MALT1: variants seen among roughly 807,000 people sequenced by gnomAD.
MALT1 encodes MALT1 paracaspase.
A neutral mutation model predicts 85.5 loss-of-function variants in MALT1; 36 were observed. The observed-to-expected ratio is 0.42, with a 90% CI of 0.32 to 0.56. MALT1 has a LOEUF of 0.56. Among genes scored for constraint, MALT1 ranks in the 20% least tolerant of loss-of-function variants. MALT1 has a pLI of 0.10. For synonymous variants in MALT1, 359 were observed against 361.3 expected (o/e 0.99, Z 0.07); for missense variants, 716 against 981.6 (o/e 0.73, Z 3.62).
At chr18:58,734,051 A>G in intron 11 of MALT1, 2 of 1,287,748 alleles carry the variant, frequency 1.6e-6, no homozygotes, top group Non-Finnish European at 2.0e-6. Flanking sequence ...TAGATTTACT[A>G]TTTTTTTGCT....
At position 58,710,959 on chromosome 18, in the gene MALT1, G is replaced by C; in HGVS notation, c.958+6G>C. ...GGCAGTGGAGTGCACTGAAGGTAGT[G>C]TAAGTCTTTGGTTTGAAACCAAATC... On this transcript the variant is annotated splice_donor_region_variant and intron_variant, in intron 7 of 16. Coordinates refer to ENST00000649217, the MANE Select transcript of MALT1 (RefSeq NM_006785.4). 1 of 1,567,988 alleles carries C rather than the reference G, an allele frequency of 6.4e-7. No homozygotes were observed. The highest frequency in any genetic ancestry group is 1.4e-5 in the African/African-American group (1 of 72,072).
At chr18:58,677,219 T>G (rs1299270872) in intron 1 of MALT1, among the ~76,000 whole-genome samples, 1 of 152,196 alleles carries the variant, frequency 6.6e-6, no homozygotes, top group East Asian at 1.9e-4. Context: ...AGTCTTCTTT[T>G]TCTCCTGTGC....
intron 14 of MALT1, 56 bp from the exon 15 acceptor site, chr18:58,744,282 A>G: frequency 8.4e-7 from 1 of 1,196,830 alleles, no homozygotes; most frequent in Non-Finnish European, 1.2e-6. Flanking sequence ...CTCCATAAAT[A>G]TTTGCCTCTT....
intron 2 of MALT1, among the ~76,000 whole-genome samples, chr18:58,686,168 AG>A (rs2054399282): frequency 2.0e-5 from 3 of 152,278 alleles, no homozygotes; most frequent in Admixed American, 6.5e-5. Flanking sequence ...CTGGGATTAC[AG>A]GCACGCGCCA....
chr18:58,671,739 C>T lies in MALT1; in HGVS notation c.96C>T (p.Arg32=), dbSNP rs2054164414. 1 of 1,277,560 alleles carries T rather than the reference C, an allele frequency of 7.8e-7. No individual in the cohort carries two copies. Among genetic ancestry groups the T allele is most frequent in the Non-Finnish European group, 9.9e-7 (1 of 1,012,382 alleles). The allele number at this position is 1,277,560 out of a possible 1,614,324, so 79.1% of individuals were successfully genotyped here. A position where few individuals can be genotyped will look rare whatever the true frequency, so the allele number is the denominator to read the frequency against. ...CTCCGGCCGGCGCGACCCTCAACCG[C>T]CTGCGGGAGCCGCTGCTGCGGAGGC... ...LAPPAGATLN[R]LREPLLRRLS... The change falls in exon 1 of 17, where the codon CGC becomes CGT. Residue 32 remains arginine (R), a synonymous_variant. Transcript: ENST00000649217.
chr18:58,708,273 G>T (rs1035957491), intron 4 of MALT1, among the ~76,000 whole-genome samples: 1 of 152,202 alleles, frequency 6.6e-6, no homozygotes, highest in Non-Finnish European at 1.5e-5. Context: ...ACAGGGAGTT[G>T]GTGAGTGAGG....
At chr18:58,719,562 C>T (rs186299468) in intron 9 of MALT1, among the ~76,000 whole-genome samples, 18 of 152,266 alleles carry the variant, frequency 1.2e-4, no homozygotes, top group Admixed American at 2.0e-4. Context: ...CCTGAACTGG[C>T]AGAGGGGTCA....
At chr18:58,744,537 A>C in intron 15 of MALT1, 42 bp downstream of exon 15, 2 of 1,373,650 alleles carry the variant, frequency 1.5e-6, no homozygotes, top group South Asian at 1.5e-5. Flanking sequence ...ATATATTCTC[A>C]CTTATTAAAG....
Position 58,692,447 on chromosome 18 carries a change from TCC to T in MALT1, c.377-3917_377-3916del, listed in dbSNP as rs1331021676. On this transcript the variant is annotated intron_variant, in intron 2 of 16. Coordinates refer to ENST00000649217, the MANE Select transcript of MALT1 (RefSeq NM_006785.4). Reference sequence around the variant, plus strand: ...CTCTCTCTCTCTCTCACTCTCTCCCTCCCTCCCTCCCTCCCTCCCTGTCCCTC... The same window carrying T: ...CTCTCTCTCTCTCTCACTCTCTCCCTCTCCCTCCCTCCCTCCCTGTCCCTC... Among the ~76,000 whole-genome samples the T allele has an allele frequency of 4.3e-4, 7 of 16,372 alleles. 1 individual carries two copies. The highest frequency in any genetic ancestry group is 1.5e-3 in the African/African-American group (5 of 3,350). The allele number at this position is 16,372 out of a possible 152,430, so 10.7% of individuals were successfully genotyped here.
Position 58,741,896 on chromosome 18 carries a change from A to G in MALT1, c.1635A>G (p.Lys545=). The change falls in exon 14 of 17, where the codon AAA becomes AAG. Residue 545 remains lysine (K), a synonymous_variant. Coordinates refer to ENST00000649217, the MANE Select transcript of MALT1 (RefSeq NM_006785.4). ...GTAAGTGTCACCTTACCAAAGGCAA[A>G]CAGGCTCTAGAGATTCGAAGTAGTT... ...DMGKCHLTKG[K]QALEIRSSLS... 6.5e-7 allele frequency: 1 copy of G among 1,537,602 alleles called. No individual in the cohort carries two copies. Among genetic ancestry groups the G allele is most frequent in the Non-Finnish European group, 8.9e-7 (1 of 1,125,606 alleles).
intron 2 of MALT1, among the ~76,000 whole-genome samples, chr18:58,689,544 G>T (rs1436860353): frequency 6.6e-6 from 1 of 152,206 alleles, no homozygotes; most frequent in Non-Finnish European, 1.5e-5. Context: ...GGTGCTGAAT[G>T]AACTGGTGAC....
chr18:58,720,902 G>A (rs555077916), intron 9 of MALT1, among the ~76,000 whole-genome samples: 2 of 152,132 alleles, frequency 1.3e-5, no homozygotes, highest in Non-Finnish European at 2.9e-5. Flanking sequence ...GTAAAGCAGA[G>A]ACAATGCATT....
At chr18:58,674,203 G>C (rs1318864244) in intron 1 of MALT1, 2 of 152,250 alleles carry the variant, frequency 1.3e-5, no homozygotes, top group East Asian at 3.8e-4. Context: ...AAAAGCAGCG[G>C]ATACTTGATG....
At chr18:58,686,049 T>C (rs999070941) in intron 2 of MALT1, among the ~76,000 whole-genome samples, 1 of 152,106 alleles carries the variant, frequency 6.6e-6, no homozygotes, top group South Asian at 2.1e-4. Flanking sequence ...TTGTTTGCTT[T>C]TTGAGTCTCA....
intron 10 of MALT1, among the ~76,000 whole-genome samples, chr18:58,723,893 CAG>C (rs2055018077): frequency 6.6e-6 from 1 of 152,134 alleles, no homozygotes. Context: ...TCAAAGGAGA[CAG>C]AATGTGCTGT....
chr18:58,719,807 G>A (rs1338667087), intron 9 of MALT1, among the ~76,000 whole-genome samples: 1 of 152,178 alleles, frequency 6.6e-6, no homozygotes, highest in Non-Finnish European at 1.5e-5. Context: ...TGAGCTGCCT[G>A]TTCCTCACCC....
At chr18:58,711,411 A>G (rs948147480) in intron 7 of MALT1, among the ~76,000 whole-genome samples, 9 of 152,168 alleles carry the variant, frequency 5.9e-5, no homozygotes, top group African/African-American at 2.2e-4. Context: ...TTATTGTTTA[A>G]CATATGTTCT....
chr18:58,753,094 A>C lies in MALT1; in HGVS notation c.*5252A>C, dbSNP rs2055468734. The stretch of plus-strand genomic sequence containing the variant: ...CAGTACTAAATAAGACCATTCCTCT[A>C]AAGTGCCAGCATTTTGAAAAGCATC... On this transcript the variant is annotated 3_prime_UTR_variant, in exon 17 of 17. Transcript: ENST00000649217. 6.6e-6 allele frequency: 1 copy of C among 152,242 alleles called. No individual in the cohort carries two copies. The highest frequency in any genetic ancestry group is 1.5e-5 in the Non-Finnish European group (1 of 68,048). 9.4% of individuals were successfully genotyped at this position (152,242 alleles called of 1,614,324 possible). A position where few individuals can be genotyped will look rare whatever the true frequency, so the allele number is the denominator to read the frequency against.
chr18:58,710,640 AAAAG>A (rs1475862096), intron 6 of MALT1, among the ~76,000 whole-genome samples: 1 of 152,120 alleles, frequency 6.6e-6, no homozygotes, highest in Non-Finnish European at 1.5e-5. Flanking sequence ...TAATAATAAT[AAAAG>A]AAAAAGATTT....
Sources: gnomAD v4.1 joint callset for allele counts (sites outside exome capture counted in the v4.1 genomes callset) on GRCh38, gnomAD v4.1.1 for gene constraint, MANE v1.5 for transcripts, NCBI Gene and HGNC (gene_info 2026-07-23, HGNC 2026-07-21) for gene names.